The following ZMIZ1 variants were observed in gnomAD, a reference collection of about 807,000 sequenced individuals.
ZMIZ1 encodes the protein zinc finger MIZ-type containing 1.
ZMIZ1 carries 17 observed loss-of-function variants against 113.9 expected under a neutral mutation model. That is an observed-to-expected ratio of 0.15 (90% CI 0.10 to 0.22). The LOEUF is 0.22. Among genes scored for constraint, ZMIZ1 ranks in the 10% least tolerant of loss-of-function variants. The pLI is 1.00. For synonymous variants in ZMIZ1, 607 were observed against 603.1 expected (o/e 1.01, Z -0.09); for missense variants, 1,059 against 1,477.8 (o/e 0.72, Z 4.65).
Position 79,305,412 on chromosome 10 carries a change from T to G in ZMIZ1, c.2355-121T>G, listed in dbSNP as rs566507896. The G allele has an allele frequency of 3.8e-4, 481 of 1,271,102 alleles. 2 individuals carry two copies. The African/African-American group carries it at 6.2e-3, about 16-fold the overall frequency. The allele number at this position is 1,271,102 out of a possible 1,614,324, so 78.7% of individuals were successfully genotyped here. The stretch of plus-strand genomic sequence containing the variant: ...ATCACGCGGTCAGAGTCCCCCTCTC[T>G]TGTGCCTCCAGTAGTAACCAGCAGC... On this transcript the variant is annotated intron_variant, in intron 20 of 24. Transcript: ENST00000334512.
chr10:79,310,878 C>G, intron 23 of ZMIZ1, 46 bp from the exon 24 acceptor site: 39 of 1,571,622 alleles, frequency 2.5e-5, no homozygotes, highest in Non-Finnish European at 3.1e-5. Context: ...ATCGCCGTGC[C>G]TCCTCACCTC....
chr10:79,242,557 C>G (rs1358841875), intron 7 of ZMIZ1, among the ~76,000 whole-genome samples: 2 of 150,700 alleles, frequency 1.3e-5, no homozygotes, highest in Non-Finnish European at 3.0e-5. Context: ...CTCCCCTCCC[C>G]TCCCCTCCCC....
At chr10:79,141,615 C>T (rs531567354) in intron 3 of ZMIZ1, among the ~76,000 whole-genome samples, 1 of 152,234 alleles carries the variant, frequency 6.6e-6, no homozygotes, top group East Asian at 1.9e-4. Context: ...CCCATGTTGC[C>T]CAGGCTGGTC....
chr10:79,280,728 C>T (rs1034469441), intron 8 of ZMIZ1, among the ~76,000 whole-genome samples: 1 of 140,246 alleles, frequency 7.1e-6, no homozygotes, highest in African/African-American at 2.7e-5. Flanking sequence ...TAAGCATTAT[C>T]ACAATAAAAG....
intron 7 of ZMIZ1, among the ~76,000 whole-genome samples, chr10:79,258,950 A>G (rs939495093): frequency 6.6e-6 from 1 of 152,212 alleles, no homozygotes; most frequent in Non-Finnish European, 1.5e-5. Context: ...CTGAGGAGTG[A>G]TGGATGGCCC....
At chr10:79,110,586 G>T (rs923271623) in intron 1 of ZMIZ1, among the ~76,000 whole-genome samples, 2 of 152,228 alleles carry the variant, frequency 1.3e-5, no homozygotes, top group East Asian at 3.9e-4. Context: ...CTACAAAGGA[G>T]CTGGCTCCTG....
chr10:79,119,657 G>C (rs1000357627), intron 2 of ZMIZ1, among the ~76,000 whole-genome samples: 3 of 152,172 alleles, frequency 2.0e-5, no homozygotes, highest in African/African-American at 7.2e-5. Flanking sequence ...AATTATGGGT[G>C]TCTTCAGAAG....
chr10:79,239,119 T>TC (rs1438814645), intron 7 of ZMIZ1, among the ~76,000 whole-genome samples: 1 of 152,068 alleles, frequency 6.6e-6, no homozygotes, highest in Non-Finnish European at 1.5e-5. Context: ...GAGAACAGTG[T>TC]CATAAAGACA....
intron 1 of ZMIZ1, among the ~76,000 whole-genome samples, chr10:79,115,920 A>G (rs1022802223): frequency 3.3e-5 from 5 of 152,256 alleles, no homozygotes; most frequent in African/African-American, 1.2e-4. Flanking sequence ...GTCTGGCATT[A>G]CAACTCTTCC....
intron 4 of ZMIZ1, among the ~76,000 whole-genome samples, chr10:79,193,654 C>T (rs1847702127): frequency 6.6e-6 from 1 of 152,158 alleles, no homozygotes; most frequent in Admixed American, 6.5e-5. Flanking sequence ...TCATCTAGTG[C>T]TGCTACGATG....
At chr10:79,280,264 C>A (rs1259019682) in intron 8 of ZMIZ1, among the ~76,000 whole-genome samples, 1 of 151,980 alleles carries the variant, frequency 6.6e-6, no homozygotes, top group Non-Finnish European at 1.5e-5. Context: ...TAGGCATGAA[C>A]CACCATGCCG....
At chr10:79,300,570 AGAG>A (rs763886344) in intron 16 of ZMIZ1, among the ~76,000 whole-genome samples, 159 bp from the exon 17 acceptor site, 1 of 147,930 alleles carries the variant, frequency 6.8e-6, no homozygotes, top group Non-Finnish European at 1.5e-5. Context: ...CCAGAATGGG[AGAG>A]GAGAACTCAG....
chr10:79,131,046 T>C (rs1302213541), intron 2 of ZMIZ1, among the ~76,000 whole-genome samples: 2 of 152,200 alleles, frequency 1.3e-5, no homozygotes, highest in East Asian at 1.9e-4. Context: ...CCTTGCATTC[T>C]TGCCTAATCC....
intron 8 of ZMIZ1, among the ~76,000 whole-genome samples, chr10:79,282,618 C>T (rs1852810130): frequency 6.6e-6 from 1 of 152,232 alleles, no homozygotes; most frequent in Non-Finnish European, 1.5e-5. Context: ...CACACAAATG[C>T]TGTGCCTCCC....
At position 79,313,946 on chromosome 10, in the gene ZMIZ1, A is replaced by G. The variant is rs989872633; in HGVS notation, c.*1197A>G. 2.4e-6 allele frequency: 1 copy of G among 423,140 alleles called. No homozygotes were observed. Among genetic ancestry groups the G allele is most frequent in the Non-Finnish European group, 4.8e-6 (1 of 209,412 alleles). 26.2% of individuals were successfully genotyped at this position (423,140 alleles called of 1,614,324 possible). ...CCCCTCCCTCTGTCCCTGTGCTCCA[A>G]GCTGCCCCCGGCTGCAGCCCAGGCC... On this transcript the variant is annotated 3_prime_UTR_variant, in exon 25 of 25. Coordinates refer to ENST00000334512, the MANE Select transcript of ZMIZ1 (RefSeq NM_020338.4).
Position 79,290,789 on chromosome 10 carries a change from CCTT to C in ZMIZ1, c.541-169_541-167del, listed in dbSNP as rs1359840363. On this transcript the variant is annotated intron_variant, in intron 9 of 24. Coordinates refer to ENST00000334512, the MANE Select transcript of ZMIZ1 (RefSeq NM_020338.4). ...ACGCCACCTGCCGCCCAGGCCCGCT[CCTT>C]ATCACCGGTACACTCAGAATAGTTC... 4.0e-5 allele frequency: 32 copies of C among 802,916 alleles called. No individual in the cohort carries two copies. In the East Asian group the frequency reaches 8.5e-4, roughly 21 times the overall value. The allele number at this position is 802,916 out of a possible 1,614,324, so 49.7% of individuals were successfully genotyped here. A position where few individuals can be genotyped will look rare whatever the true frequency, so the allele number is the denominator to read the frequency against.
intron 3 of ZMIZ1, among the ~76,000 whole-genome samples, chr10:79,154,154 A>T (rs958901666): frequency 6.6e-6 from 1 of 152,142 alleles, no homozygotes; most frequent in Non-Finnish European, 1.5e-5. Flanking sequence ...TTGTGGGCCA[A>T]TATTGGACCC....
chr10:79,131,788 C>A (rs1193960554), intron 2 of ZMIZ1, among the ~76,000 whole-genome samples: 2 of 152,124 alleles, frequency 1.3e-5, no homozygotes, highest in East Asian at 3.9e-4. Context: ...TCGCAAGGGC[C>A]CGGCCCCTGT....
chr10:79,143,461 G>C (rs920065238), intron 3 of ZMIZ1, among the ~76,000 whole-genome samples: 1 of 152,112 alleles, frequency 6.6e-6, no homozygotes, highest in African/African-American at 2.4e-5. Context: ...CCCCTTCAGC[G>C]TGCAGCTCTA....
Sources: gnomAD v4.1 joint callset for allele counts (sites outside exome capture counted in the v4.1 genomes callset) on GRCh38, gnomAD v4.1.1 for gene constraint, MANE v1.5 for transcripts, NCBI Gene and HGNC (gene_info 2026-07-23, HGNC 2026-07-21) for gene names.